Variants in DLGAP4 observed in about 807,000 individuals in gnomAD.
DLGAP4 encodes DLG associated protein 4.
Under a neutral mutation model 86.9 loss-of-function variants are expected in DLGAP4, and 18 were observed. The ratio of observed to expected loss-of-function variants is 0.21; its 90% confidence interval spans 0.14 to 0.31. The LOEUF (loss-of-function observed/expected upper bound fraction) is 0.31, where lower values mean the gene tolerates loss of function less well. Ranked by LOEUF, DLGAP4 falls within the 10% of genes least tolerant of loss-of-function variation. DLGAP4 has a pLI of 1.00. For synonymous variants in DLGAP4, 548 were observed against 574.3 expected, an observed-to-expected ratio of 0.95 and a Z score of 0.65; for missense variants, 1,085 against 1,362.6, an observed-to-expected ratio of 0.80 and a Z score of 3.21.
At chr20:36,489,541 T>G (rs1437707541) in intron 7 of DLGAP4, among the ~76,000 whole-genome samples, 1 of 152,090 alleles carries the variant, frequency 6.6e-6, no homozygotes, top group Non-Finnish European at 1.5e-5. Context: ...CTGAAGGGTT[T>G]GTTTGTTCCA....
At chr20:36,524,928 A>ATATT (rs2037615885) in intron 11 of DLGAP4, among the ~76,000 whole-genome samples, 1 of 151,280 alleles carries the variant, frequency 6.6e-6, no homozygotes, top group Non-Finnish European at 1.5e-5. Flanking sequence ...ATATACATAT[A>ATATT]TATTTTTTGG....
intron 2 of DLGAP4, among the ~76,000 whole-genome samples, chr20:36,373,458 G>A (rs764770445): frequency 1.3e-5 from 2 of 152,204 alleles, no homozygotes; most frequent in Admixed American, 6.5e-5. Context: ...TTTGTGGGAT[G>A]TGCCCACCCC....
intron 2 of DLGAP4, among the ~76,000 whole-genome samples, chr20:36,370,661 T>TA (rs931800520): frequency 7.3e-5 from 11 of 149,916 alleles, no homozygotes; most frequent in Non-Finnish European, 1.2e-4. Flanking sequence ...CCAAAAAAAT[T>TA]AAAAAAAAAT....
chr20:36,344,955 C>A (rs1050981782), intron 1 of DLGAP4, among the ~76,000 whole-genome samples: 2 of 152,224 alleles, frequency 1.3e-5, no homozygotes, highest in Admixed American at 6.5e-5. Flanking sequence ...CCACACCCCT[C>A]CTGGGCCTTG....
At chr20:36,474,874 G>A (rs1227897089) in intron 7 of DLGAP4, among the ~76,000 whole-genome samples, 1 of 152,174 alleles carries the variant, frequency 6.6e-6, no homozygotes, top group African/African-American at 2.4e-5. Context: ...GAGAGACTAG[G>A]GAACAAGATT....
At chr20:36,422,835 T>C (rs749527773) in intron 2 of DLGAP4, among the ~76,000 whole-genome samples, 1 of 152,202 alleles carries the variant, frequency 6.6e-6, no homozygotes, top group Non-Finnish European at 1.5e-5. Flanking sequence ...CTTATATTAA[T>C]GAGCAGTAAT....
chr20:36,400,651 G>A lies in DLGAP4; in HGVS notation c.-72-30995G>A, dbSNP rs1366242137. 2.0e-5 allele frequency among the ~76,000 whole-genome samples: 3 copies of A among 152,080 alleles called. No homozygotes were observed. The East Asian group carries it at 5.8e-4, about 29-fold the overall frequency. ...CAGCCCAACTCCTTCCTTTCTGATG[G>A]GGAAACTGAGGCTGGGGGTGGGGAA... On this transcript the variant is annotated intron_variant, in intron 2 of 12. Coordinates refer to ENST00000339266, the MANE Select transcript of DLGAP4 (RefSeq NM_001365621.2).
intron 8 of DLGAP4, 200 bp from the exon 9 acceptor site, chr20:36,499,388 C>T (rs1181863045): frequency 5.9e-6 from 9 of 1,517,832 alleles, no homozygotes; most frequent in South Asian, 2.4e-5. Flanking sequence ...CCCGCCTGCC[C>T]GCCTCCACGC....
chr20:36,466,874 A>T (rs1264252884), intron 7 of DLGAP4, among the ~76,000 whole-genome samples: 1 of 152,052 alleles, frequency 6.6e-6, no homozygotes, highest in Non-Finnish European at 1.5e-5. Flanking sequence ...TCCTCATGGG[A>T]TAGGAGCAAG....
At chr20:36,461,578 T>C in intron 7 of DLGAP4, 1 of 958,850 alleles carries the variant, frequency 1.0e-6, no homozygotes, top group Non-Finnish European at 1.2e-6. Context: ...ACGTCGTCGC[T>C]GCCGCCTCCT....
intron 1 of DLGAP4, among the ~76,000 whole-genome samples, chr20:36,330,774 G>A (rs1473042480): frequency 1.3e-5 from 2 of 152,156 alleles, no homozygotes; most frequent in East Asian, 3.9e-4. Flanking sequence ...AGGTTTCACC[G>A]TGTTAGTCAA....
At chr20:36,526,112 T>G in intron 12 of DLGAP4, 106 bp downstream of exon 12, 1 of 1,538,500 alleles carries the variant, frequency 6.5e-7, no homozygotes, top group Non-Finnish European at 8.9e-7. Flanking sequence ...CCGTGTGTCG[T>G]CTTTGAGCTG....
chr20:36,499,726 T>C (rs1600661162), intron 9 of DLGAP4, 50 bp downstream of exon 9: 2 of 1,481,506 alleles, frequency 1.3e-6, no homozygotes, highest in Non-Finnish European at 1.9e-6. Flanking sequence ...TCTCCCTCCC[T>C]CCGCTCTCAC....
At chr20:36,525,740 A>C in intron 11 of DLGAP4, 111 bp from the exon 12 acceptor site, 2 of 1,449,458 alleles carry the variant, frequency 1.4e-6, no homozygotes, top group East Asian at 2.3e-5. Flanking sequence ...AGGCCTCAAG[A>C]GCCCCCGCGG....
chr20:36,461,082 A>G (rs2034017302), intron 7 of DLGAP4, among the ~76,000 whole-genome samples: 1 of 152,066 alleles, frequency 6.6e-6, no homozygotes, highest in Non-Finnish European at 1.5e-5. Flanking sequence ...CCCCCCTTAC[A>G]GCGAGGTGTC....
At position 36,443,522 on chromosome 20, in the gene DLGAP4, G is replaced by C. The variant is rs115656077; in HGVS notation, c.1407+745G>C. Reference sequence around the variant, plus strand: ...CTGATTCCAGCCGTGGATGCCCCATGTGTCCCTCTCCCCCATGTCACAGAA... The same window carrying C: ...CTGATTCCAGCCGTGGATGCCCCATCTGTCCCTCTCCCCCATGTCACAGAA... On this transcript the variant is annotated intron_variant, in intron 6 of 12. Coordinates refer to ENST00000339266, the MANE Select transcript of DLGAP4 (RefSeq NM_001365621.2). Among the ~76,000 whole-genome samples the C allele has an allele frequency of 5.6e-3, 860 of 152,302 alleles. 10 individuals are homozygous for C. Among genetic ancestry groups the C allele is most frequent in the African/African-American group, 0.017 (696 of 41,562 alleles).
chr20:36,407,438 TG>T (rs1182848215), intron 2 of DLGAP4, among the ~76,000 whole-genome samples: 1 of 152,186 alleles, frequency 6.6e-6, no homozygotes, highest in African/African-American at 2.4e-5. Context: ...TACCAGGCTC[TG>T]AGCTGGGCAT....
At chr20:36,341,513 C>T (rs11906739) in intron 1 of DLGAP4, among the ~76,000 whole-genome samples, 134 of 152,376 alleles carry the variant, frequency 8.8e-4, no homozygotes, top group African/African-American at 3.1e-3. Context: ...CCTCCGAAAG[C>T]CTTTGTTCCC....
Position 36,319,374 on chromosome 20 carries a change from G to A in DLGAP4, c.-304+12862G>A, listed in dbSNP as rs1555890305. 2.6e-5 allele frequency among the ~76,000 whole-genome samples: 4 copies of A among 152,144 alleles called. No individual in the cohort carries two copies. In the South Asian group the frequency reaches 6.2e-4, roughly 24 times the overall value. ...TGTCTCAGAGGCTTGGTTTGAGGGTGAATTGAGGTCCTGTGTGTTCAAGGA... is the reference window on the plus strand; with the variant it reads ...TGTCTCAGAGGCTTGGTTTGAGGGTAAATTGAGGTCCTGTGTGTTCAAGGA... On this transcript the variant is annotated intron_variant, in intron 1 of 12. Coordinates refer to ENST00000339266, the MANE Select transcript of DLGAP4 (RefSeq NM_001365621.2).
Sources: allele counts gnomAD v4.1 joint callset (sites outside exome capture counted in the v4.1 genomes callset), GRCh38; gene constraint gnomAD v4.1.1; transcripts MANE v1.5; gene names NCBI Gene and HGNC (gene_info 2026-07-23, HGNC 2026-07-21).